Variants in RUFY4 observed in about 807,000 individuals in gnomAD.
RUFY4 encodes the protein RUN and FYVE domain-containing protein 4.
Under a neutral mutation model 69.0 loss-of-function variants are expected in RUFY4, and 73 were observed. The observed-to-expected ratio is 1.06, with a 90% CI of 0.88 to 1.29. The LOEUF is 1.29. Among genes scored for constraint, RUFY4 ranks in the 50% most tolerant of loss-of-function variants. The probability of loss-of-function intolerance (pLI) is 0.00; values close to 1 mark genes in which losing one functional copy is unlikely to be tolerated. For missense variants in RUFY4, 770 were observed against 705.6 expected (o/e 1.09, Z -1.03); for synonymous variants, 287 against 271.8 (o/e 1.06, Z -0.55).
In RUFY4 at chr2:218,084,909, G is replaced by A. The variant is rs149926907; in HGVS notation, c.1502+1653G>A. Among the ~76,000 whole-genome samples the A allele has an allele frequency of 6.3e-3, 964 of 152,172 alleles. 6 individuals are homozygous for A. The highest frequency in any genetic ancestry group is 0.021 in the African/African-American group (856 of 41,516). ...CTAAAAATACAAAAATTAGCTGGGC[G>A]TGTTAGCGGGCACCTGTAATCTCAG... On this transcript the variant is annotated intron_variant, in intron 9 of 10. Transcript: ENST00000344321.
At chr2:218,073,186 G>T in intron 4 of RUFY4, 57 bp from the exon 7 acceptor site, 1 of 1,528,206 alleles carries the variant, frequency 6.5e-7, no homozygotes, top group Non-Finnish European at 8.8e-7. Flanking sequence ...GGTGGTTGGG[G>T]CAGGGGGAAA....
intron 2 of RUFY4, among the ~76,000 whole-genome samples, chr2:218,057,114 T>TTACCCAGCGCTG (rs1689082219): frequency 6.6e-6 from 1 of 152,078 alleles, no homozygotes; most frequent in African/African-American, 2.4e-5. Context: ...AAGACTAGTT[T>TTACCCAGCGCTG]TACCCAGCGC....
At chr2:218,060,675 G>T in intron 3 of RUFY4, 1 of 1,330,582 alleles carries the variant, frequency 7.5e-7, no homozygotes, top group Non-Finnish European at 1.1e-6. Flanking sequence ...TGACCCACAT[G>T]GTCCAGTGCT....
chr2:218,064,878 C>T (rs1427778700), upstream of RUFY4, among the ~76,000 whole-genome samples: 1 of 152,056 alleles, frequency 6.6e-6, no homozygotes, highest in Non-Finnish European at 1.5e-5. Flanking sequence ...CCCCTAACCC[C>T]ATCCCCTCCC....
At chr2:218,074,807 C>T (rs768691782) in intron 6 of RUFY4, among the ~76,000 whole-genome samples, 4 of 152,020 alleles carry the variant, frequency 2.6e-5, no homozygotes, top group African/African-American at 4.8e-5. Context: ...TAGGGGGAAC[C>T]AGATCAATAC....
At chr2:218,049,714 G>A (rs1388463766) in intron 2 of RUFY4, among the ~76,000 whole-genome samples, 2 of 152,026 alleles carry the variant, frequency 1.3e-5, no homozygotes, top group African/African-American at 2.4e-5. Flanking sequence ...CTCCCTGTTG[G>A]TCAGGCTGGT....
At chr2:218,064,057 T>C (rs906130169) in intron 3 of RUFY4, among the ~76,000 whole-genome samples, 80 of 152,252 alleles carry the variant, frequency 5.3e-4, no homozygotes, top group African/African-American at 1.9e-3. Flanking sequence ...CATGAACCCA[T>C]AAGCACCCCA....
At chr2:218,077,779 A>G (rs551055549) in intron 8 of RUFY4, among the ~76,000 whole-genome samples, 1 of 152,284 alleles carries the variant, frequency 6.6e-6, no homozygotes, top group African/African-American at 2.4e-5. Flanking sequence ...AAACCAACCC[A>G]AAAGGACCCC....
intron 6 of RUFY4, among the ~76,000 whole-genome samples, chr2:218,074,106 A>C (rs1156754872): frequency 6.6e-6 from 1 of 152,024 alleles, no homozygotes; most frequent in Non-Finnish European, 1.5e-5. Flanking sequence ...AGAGAAAGGG[A>C]ACTCTAGCAC....
chr2:218,068,138 G>C (rs1370543226), upstream of RUFY4, among the ~76,000 whole-genome samples: 1 of 151,064 alleles, frequency 6.6e-6, no homozygotes, highest in Non-Finnish European at 1.5e-5. Context: ...CAGGGGACTG[G>C]AGGAGGGCAG....
chr2:218,050,860 C>A (rs946021312), intron 2 of RUFY4, among the ~76,000 whole-genome samples: 2 of 152,014 alleles, frequency 1.3e-5, no homozygotes, highest in Admixed American at 6.6e-5. Context: ...AAAATAATGA[C>A]CTGCTCTAAT....
At chr2:218,075,633 G>T (rs369707895) in exon 7 of RUFY4, 6 of 1,518,132 alleles carry the variant, frequency 4.0e-6, no homozygotes, top group Non-Finnish European at 4.4e-6. Flanking sequence ...TCAGGGACAC[G>T]CAACAAAGGA....
rs571474710 is a variant in RUFY4 at position 218,036,444 on chromosome 2, AGG to A, written c.-1158+1054_-1158+1055del. 1.9e-3 allele frequency among the ~76,000 whole-genome samples: 239 copies of A among 125,530 alleles called. 7 individuals are homozygous for A. The South Asian group carries it at 0.045, about 24-fold the overall frequency. The allele number at this position is 125,530 out of a possible 152,430, so 82.4% of individuals were successfully genotyped here. A position where few individuals can be genotyped will look rare whatever the true frequency, so the allele number is the denominator to read the frequency against. ...TCCTACGACTGGGTTAAATTAAAAC[AGG>A]GGGTGAGAACGAGTGAGTCTAGAAG... On this transcript the variant is annotated intron_variant and NMD_transcript_variant, in intron 2 of 13. Coordinates refer to the RUFY4 transcript ENST00000457754.
At chr2:218,089,532 C>A (rs1689980002) in intron 10 of RUFY4, among the ~76,000 whole-genome samples, 170 bp downstream of exon 12, 1 of 152,186 alleles carries the variant, frequency 6.6e-6, no homozygotes, top group Non-Finnish European at 1.5e-5. Flanking sequence ...TAAGCAGAGC[C>A]ATAAAGGAGA....
chr2:218,090,230 G>A, exon 11 of RUFY4: 1 of 382,042 alleles, frequency 2.6e-6, no homozygotes, highest in South Asian at 2.0e-5. Flanking sequence ...AGTGGTTCCA[G>A]CCCTGCAACT....
At chr2:218,042,631 TC>T (rs1230527461) in intron 2 of RUFY4, among the ~76,000 whole-genome samples, 2 of 152,180 alleles carry the variant, frequency 1.3e-5, no homozygotes, top group Admixed American at 1.3e-4. Context: ...TGGTAAACTC[TC>T]CAAGTGATCC....
intron 2 of RUFY4, among the ~76,000 whole-genome samples, chr2:218,056,256 C>A (rs1276597567): frequency 7.0e-6 from 1 of 143,874 alleles, no homozygotes; most frequent in Non-Finnish European, 1.5e-5. Context: ...GTATTCTGCT[C>A]TGTAAGCTCT....
At chr2:218,072,675 T>C in intron 3 of RUFY4, 104 bp from the exon 6 acceptor site, 1 of 1,300,198 alleles carries the variant, frequency 7.7e-7, no homozygotes. Flanking sequence ...CAGGTCCCCC[T>C]GCACCCTTCC....
exon 2 of RUFY4, chr2:218,070,837 G>C (rs1689468567): frequency 6.5e-7 from 1 of 1,536,216 alleles, no homozygotes; most frequent in Non-Finnish European, 8.7e-7. Context: ...AGACTCTGTG[G>C]CTGCCTGGAG....
Sources: gnomAD v4.1 joint callset for allele counts (sites outside exome capture counted in the v4.1 genomes callset) on GRCh38, gnomAD v4.1.1 for gene constraint, MANE v1.5 for transcripts, NCBI Gene and HGNC (gene_info 2026-07-23, HGNC 2026-07-21) for gene names.